ROPN1: variants seen among roughly 807,000 people sequenced by gnomAD.
ROPN1 encodes the protein ropporin-1A.
ROPN1 carries 14 observed loss-of-function variants against 20.5 expected under a neutral mutation model. That is an observed-to-expected ratio of 0.68 (90% confidence interval 0.45 to 1.07). The LOEUF is 1.07. Ranked by LOEUF, ROPN1 falls within the 50% of genes least tolerant of loss-of-function variation. ROPN1 has a pLI of 0.00. For missense variants in ROPN1, 169 were observed against 242.8 expected (o/e 0.70, Z 2.02); for synonymous variants, 76 against 95.7 (o/e 0.79, Z 1.20).
chr3:123,972,718 C>T (rs1390002185), intron 4 of ROPN1, among the ~76,000 whole-genome samples: 3 of 152,192 alleles, frequency 2.0e-5, no homozygotes, highest in African/African-American at 7.2e-5. Flanking sequence ...AAGGAACAAA[C>T]TGGCTTTTCT....
At chr3:123,970,463 A>T (rs2037893536) in intron 4 of ROPN1, among the ~76,000 whole-genome samples, 1 of 152,196 alleles carries the variant, frequency 6.6e-6, no homozygotes, top group African/African-American at 2.4e-5. Flanking sequence ...AATTAAATTT[A>T]TACATTCCTA....
At chr3:123,973,924 T>C (rs2037963138) in intron 4 of ROPN1, among the ~76,000 whole-genome samples, 3 of 152,314 alleles carry the variant, frequency 2.0e-5, no homozygotes, top group South Asian at 2.1e-4. Flanking sequence ...CAGGGAAGAC[T>C]AAGGGATGTG....
At chr3:123,977,363 G>A (rs1002551623) in intron 2 of ROPN1, among the ~76,000 whole-genome samples, 1 of 152,192 alleles carries the variant, frequency 6.6e-6, no homozygotes, top group African/African-American at 2.4e-5. Flanking sequence ...GAAGTTGGAA[G>A]AGAACTAAAA....
intron 1 of ROPN1, among the ~76,000 whole-genome samples, chr3:123,989,042 T>C (rs1157488167): frequency 6.6e-6 from 1 of 152,156 alleles, no homozygotes; most frequent in Non-Finnish European, 1.5e-5. Context: ...AAACCTGGTT[T>C]GTTCATTGCT....
At chr3:123,977,265 T>C (rs1257694322) in intron 2 of ROPN1, among the ~76,000 whole-genome samples, 1 of 152,196 alleles carries the variant, frequency 6.6e-6, no homozygotes, top group African/African-American at 2.4e-5. Context: ...CCCTGGAGCA[T>C]ATTGGGTTCA....
At chr3:123,977,097 A>G in intron 2 of ROPN1, 116 bp from the exon 3 acceptor site, 1 of 1,077,600 alleles carries the variant, frequency 9.3e-7, no homozygotes, top group Non-Finnish European at 1.3e-6. Context: ...AACCTTTGTT[A>G]AGTGGCTTCT....
chr3:123,990,357 G>C (rs551878035), intron 1 of ROPN1, among the ~76,000 whole-genome samples: 1 of 152,074 alleles, frequency 6.6e-6, no homozygotes, highest in East Asian at 1.9e-4. Flanking sequence ...GGACAGAAAA[G>C]TCTAGAGTGA....
At chr3:123,978,872 A>G (rs1180690323) in intron 2 of ROPN1, 3 of 153,616 alleles carry the variant, frequency 2.0e-5, no homozygotes, top group Admixed American at 6.6e-5. Flanking sequence ...ATAGCACGTG[A>G]TACAATACGA....
intron 4 of ROPN1, 68 bp from the exon 5 acceptor site, chr3:123,970,285 T>C (rs1424830525): frequency 1.5e-5 from 21 of 1,434,700 alleles, no homozygotes; most frequent in Non-Finnish European, 1.6e-5. Context: ...TCGGTTTAGA[T>C]ACAAGAAAGA....
chr3:123,984,317 A>G (rs2038208021), intron 1 of ROPN1, among the ~76,000 whole-genome samples: 1 of 151,548 alleles, frequency 6.6e-6, no homozygotes, highest in South Asian at 2.1e-4. Flanking sequence ...TCCCAACTAA[A>G]TCTCTCTCCC....
At position 123,980,348 on chromosome 3, in the gene ROPN1, C is replaced by A. The variant is rs777337633; in HGVS notation, c.116+18G>T. The A allele has an allele frequency of 6.2e-7, 1 of 1,613,556 alleles. No homozygotes were observed. The highest frequency in any genetic ancestry group is 2.2e-5 in the East Asian group (1 of 44,872). ...CCGGCCGTCCTCCAAGGGGTGAAGGCGAGAAAGGAGCACGTACTCGGCTGC... is the reference window on the plus strand; with the variant it reads ...CCGGCCGTCCTCCAAGGGGTGAAGGAGAGAAAGGAGCACGTACTCGGCTGC... On this transcript the variant is annotated intron_variant, in intron 2 of 5. Transcript: ENST00000405845.
intron 3 of ROPN1, among the ~76,000 whole-genome samples, chr3:123,976,501 A>G (rs532307447): frequency 6.6e-6 from 1 of 152,300 alleles, no homozygotes; most frequent in East Asian, 1.9e-4. Context: ...GAGCTAAAAT[A>G]TGCCCTTCCC....
intron 2 of ROPN1, among the ~76,000 whole-genome samples, chr3:123,977,558 A>T (rs1486462802): frequency 1.3e-5 from 2 of 152,008 alleles, no homozygotes; most frequent in Non-Finnish European, 2.9e-5. Flanking sequence ...ACAAAAAAGG[A>T]GGGAAGGGGA....
At chr3:123,989,590 T>C (rs1305185229) in intron 1 of ROPN1, among the ~76,000 whole-genome samples, 1 of 152,238 alleles carries the variant, frequency 6.6e-6, no homozygotes, top group East Asian at 1.9e-4. Context: ...GCTGGGATCC[T>C]GTAGCACACA....
Position 123,971,222 on chromosome 3 carries a change from T to C in ROPN1, c.397-1005A>G, listed in dbSNP as rs548607958. Among the ~76,000 whole-genome samples the C allele has an allele frequency of 3.3e-5, 5 of 152,286 alleles. No homozygotes were observed. The East Asian group carries it at 7.7e-4, about 24-fold the overall frequency. ...CTCATCCTCTCCCAGAACAGAATGA[T>C]TGCCTAGATGAGGCTTCTCTAACTG... On this transcript the variant is annotated intron_variant, in intron 4 of 5. Transcript: ENST00000405845.
intron 2 of ROPN1, chr3:123,978,968 G>A (rs1294147849): frequency 1.2e-5 from 2 of 161,164 alleles, no homozygotes; most frequent in Non-Finnish European, 2.8e-5. Flanking sequence ...ACTATAAAAC[G>A]GCAGCACAAG....
At chr3:123,979,234 A>G (rs1461092454) in intron 2 of ROPN1, 1 of 351,264 alleles carries the variant, frequency 2.8e-6, no homozygotes, top group Non-Finnish European at 5.6e-6. Context: ...GCACTGGCCC[A>G]GAGACTCCGA....
chr3:123,988,937 G>A (rs1449234821), intron 1 of ROPN1, among the ~76,000 whole-genome samples: 1 of 151,880 alleles, frequency 6.6e-6, no homozygotes. Context: ...AAAACTCTTG[G>A]ATGAGGCATC....
intron 4 of ROPN1, among the ~76,000 whole-genome samples, chr3:123,973,719 CCA>C (rs2037958736): frequency 6.6e-6 from 1 of 152,144 alleles, no homozygotes. Flanking sequence ...GTGAAGTAGA[CCA>C]CCAGAGCCAG....
Sources: gnomAD v4.1 joint callset for allele counts (sites outside exome capture counted in the v4.1 genomes callset) on GRCh38, gnomAD v4.1.1 for gene constraint, MANE v1.5 for transcripts, NCBI Gene and HGNC (gene_info 2026-07-23, HGNC 2026-07-21) for gene names.